CNTNAP2: variants seen among roughly 807,000 people sequenced by gnomAD.
CNTNAP2 encodes the protein contactin associated protein 2, also known as contactin-associated protein-like 2.
A neutral mutation model predicts 155.2 loss-of-function variants in CNTNAP2; 98 were observed. That is an observed-to-expected ratio of 0.63 (90% CI 0.54 to 0.75). The LOEUF (loss-of-function observed/expected upper bound fraction) is 0.75, where lower values mean the gene tolerates loss of function less well. Ranked by LOEUF, CNTNAP2 falls within the 30% of genes least tolerant of loss-of-function variation. The probability of loss-of-function intolerance (pLI) is 0.00; values close to 1 mark genes in which losing one functional copy is unlikely to be tolerated. For synonymous variants in CNTNAP2, 651 were observed against 631.2 expected (o/e 1.03, Z -0.47); for missense variants, 1,727 against 1,688.1 (o/e 1.02, Z -0.40).
chr7:146,942,687 A>T (rs1797079838), intron 3 of CNTNAP2, among the ~76,000 whole-genome samples: 1 of 152,190 alleles, frequency 6.6e-6, no homozygotes, highest in African/African-American at 2.4e-5. Flanking sequence ...ACCTATCATT[A>T]AGAAGAATAA....
At chr7:146,988,125 A>G (rs1798145702) in intron 3 of CNTNAP2, among the ~76,000 whole-genome samples, 1 of 152,102 alleles carries the variant, frequency 6.6e-6, no homozygotes, top group Non-Finnish European at 1.5e-5. Flanking sequence ...TATTTCCTTT[A>G]GAGTTTACTT....
chr7:146,679,862 C>G (rs1438798532), intron 1 of CNTNAP2, among the ~76,000 whole-genome samples: 1 of 151,956 alleles, frequency 6.6e-6, no homozygotes, highest in Non-Finnish European at 1.5e-5. Context: ...TATTTATATT[C>G]CAAATTAATT....
chr7:146,296,933 G>A (rs533311473), intron 1 of CNTNAP2, among the ~76,000 whole-genome samples: 78 of 151,814 alleles, frequency 5.1e-4, no homozygotes, highest in Middle Eastern at 3.4e-3. Context: ...GAGTTATTTT[G>A]TATAAAGATT....
chr7:146,306,927 G>A lies in CNTNAP2; in HGVS notation c.97+189954G>A, dbSNP rs558660550. Among the ~76,000 whole-genome samples the A allele has an allele frequency of 2.4e-3, 358 of 152,236 alleles. 3 individuals carry two copies. The highest frequency in any genetic ancestry group is 8.1e-3 in the African/African-American group (336 of 41,544). The stretch of plus-strand genomic sequence containing the variant: ...TCCCTTTGAAAACGGGCACAAGGCA[G>A]GGATGCCCTCTCTCACCACTCCTAT... On this transcript the variant is annotated intron_variant, in intron 1 of 23. Coordinates refer to ENST00000361727, the MANE Select transcript of CNTNAP2 (RefSeq NM_014141.6).
chr7:147,704,131 T>C (rs899047408), intron 13 of CNTNAP2, among the ~76,000 whole-genome samples: 1 of 152,206 alleles, frequency 6.6e-6, no homozygotes, highest in African/African-American at 2.4e-5. Flanking sequence ...ACACAACTTT[T>C]TTGCTGTTTT....
intron 14 of CNTNAP2, among the ~76,000 whole-genome samples, chr7:147,931,442 T>C (rs1800502115): frequency 6.6e-6 from 1 of 152,186 alleles, no homozygotes; most frequent in South Asian, 2.1e-4. Flanking sequence ...ACTCATTTTA[T>C]AAGGCCAGCA....
At chr7:146,770,195 G>A (rs897631761) in intron 1 of CNTNAP2, among the ~76,000 whole-genome samples, 4 of 151,278 alleles carry the variant, frequency 2.6e-5, no homozygotes, top group Admixed American at 2.0e-4. Flanking sequence ...ATTACTTTTT[G>A]TGGATTCATT....
At chr7:147,857,096 T>G (rs888772770) in intron 13 of CNTNAP2, among the ~76,000 whole-genome samples, 1 of 152,220 alleles carries the variant, frequency 6.6e-6, no homozygotes, top group Non-Finnish European at 1.5e-5. Flanking sequence ...TCAAAGTTGT[T>G]GTTGTAAACT....
intron 1 of CNTNAP2, among the ~76,000 whole-genome samples, chr7:146,520,313 C>T (rs367681192): frequency 7.1e-6 from 1 of 140,816 alleles, no homozygotes; most frequent in Admixed American, 7.3e-5. Flanking sequence ...TAGATATATT[C>T]ATATATATAT....
chr7:147,834,061 A>T (rs144281119), intron 13 of CNTNAP2, among the ~76,000 whole-genome samples: 2 of 152,200 alleles, frequency 1.3e-5, no homozygotes, highest in Non-Finnish European at 2.9e-5. Flanking sequence ...TTTCCACACT[A>T]GTGAGTCAAT....
intron 4 of CNTNAP2, among the ~76,000 whole-genome samples, chr7:147,057,654 A>C (rs1799587535): frequency 6.6e-6 from 1 of 152,132 alleles, no homozygotes; most frequent in Non-Finnish European, 1.5e-5. Flanking sequence ...ACCAAAATTA[A>C]CCCAAAAGTC....
chr7:147,004,198 T>C (rs1290048032), intron 3 of CNTNAP2, among the ~76,000 whole-genome samples: 27 of 92,726 alleles, frequency 2.9e-4, no homozygotes, highest in African/African-American at 1.3e-3. Flanking sequence ...TATTAAAACT[T>C]AAAACTCATA....
chr7:147,453,058 G>C (rs1797860473), intron 10 of CNTNAP2, among the ~76,000 whole-genome samples: 1 of 151,996 alleles, frequency 6.6e-6, no homozygotes, highest in African/African-American at 2.4e-5. Context: ...AGGAAGATGT[G>C]AGAAAGTAGA....
At chr7:147,585,274 T>G (rs1018160510) in intron 12 of CNTNAP2, among the ~76,000 whole-genome samples, 1 of 152,122 alleles carries the variant, frequency 6.6e-6, no homozygotes, top group East Asian at 1.9e-4. Flanking sequence ...ATTTTTCAAA[T>G]AATGCAGTAT....
intron 1 of CNTNAP2, among the ~76,000 whole-genome samples, chr7:146,665,113 T>C (rs1347779947): frequency 6.6e-6 from 1 of 152,054 alleles, no homozygotes; most frequent in African/African-American, 2.4e-5. Context: ...AATACCCGGC[T>C]GATTTTTGGA....
At chr7:146,737,427 C>G (rs761607479) in intron 1 of CNTNAP2, among the ~76,000 whole-genome samples, 1 of 152,016 alleles carries the variant, frequency 6.6e-6, no homozygotes, top group Non-Finnish European at 1.5e-5. Flanking sequence ...TCCTCATTCC[C>G]CACCAGAAAC....
chr7:147,884,425 A>G (rs1799572165), intron 13 of CNTNAP2, among the ~76,000 whole-genome samples: 2 of 152,196 alleles, frequency 1.3e-5, no homozygotes, highest in Non-Finnish European at 2.9e-5. Flanking sequence ...GCAATAACCA[A>G]AAACATATCT....
intron 8 of CNTNAP2, among the ~76,000 whole-genome samples, chr7:147,179,290 G>A (rs548718105): frequency 6.6e-6 from 1 of 152,220 alleles, no homozygotes; most frequent in South Asian, 2.1e-4. Context: ...TGGTATATGC[G>A]ATAAAGAAAA....
At chr7:146,947,084 T>A (rs868052074) in intron 3 of CNTNAP2, among the ~76,000 whole-genome samples, 4 of 151,934 alleles carry the variant, frequency 2.6e-5, no homozygotes, top group Admixed American at 1.3e-4. Flanking sequence ...CAGGTTGGAG[T>A]GCAGTGGCGT....
Sources: allele counts gnomAD v4.1 joint callset (sites outside exome capture counted in the v4.1 genomes callset), GRCh38; gene constraint gnomAD v4.1.1; transcripts MANE v1.5; gene names NCBI Gene and HGNC (gene_info 2026-07-23, HGNC 2026-07-21).